Variants in PPIP5K2 observed in about 807,000 individuals in gnomAD.
The protein encoded by PPIP5K2 is diphosphoinositol pentakisphosphate kinase 2, also known as inositol hexakisphosphate and diphosphoinositol-pentakisphosphate kinase 2.
In PPIP5K2, 105 loss-of-function variants were observed where a neutral mutation model predicts 154.6. That is an observed-to-expected ratio of 0.68 (90% CI 0.58 to 0.80). PPIP5K2 has a LOEUF of 0.80. PPIP5K2 is among the 30% of genes least tolerant of loss of function. The pLI is 0.00. For missense variants in PPIP5K2, 992 were observed against 1,504.6 expected (o/e 0.66, Z 5.64); for synonymous variants, 480 against 490.3 (o/e 0.98, Z 0.28).
At chr5:103,189,114 G>A in intron 28 of PPIP5K2, 2 of 1,368,750 alleles carry the variant, frequency 1.5e-6, no homozygotes, top group Non-Finnish European at 2.0e-6. Context: ...GGAACATGGT[G>A]AAACAAGTAT....
At chr5:103,121,036 A>G (rs887451757) in intron 1 of PPIP5K2, among the ~76,000 whole-genome samples, 2 of 152,128 alleles carry the variant, frequency 1.3e-5, no homozygotes, top group Admixed American at 1.3e-4. Flanking sequence ...AGAAGGGGCC[A>G]GGGTGATGAT....
chr5:103,142,756 A>G (rs1793034048), intron 5 of PPIP5K2, among the ~76,000 whole-genome samples: 1 of 142,286 alleles, frequency 7.0e-6, no homozygotes, highest in Non-Finnish European at 1.5e-5. Flanking sequence ...AGCCTGGGCG[A>G]GTGAGCAAGA....
In PPIP5K2 at chr5:103,183,298, G is replaced by T. The variant is rs782512363; in HGVS notation, c.2987G>T (p.Gly996Val). The T allele has an allele frequency of 1.3e-6, 2 of 1,597,934 alleles. No homozygotes were observed. Among genetic ancestry groups the T allele is most frequent in the South Asian group, 2.2e-5 (2 of 89,648 alleles). The part of the protein sequence containing the change: ...GTGTWLHYTS[G>V]VGTGRRRRRS... ...GGTACCTGGCTGCATTATACCAGTG[G>T]TGTGGGTACTGGGCGTCGAAGACGC... is the stretch of plus-strand genomic sequence containing the variant. Residue 996 changes from glycine (G) to valine (V), a missense_variant, in exon 25 of 31, where the codon GGT becomes GTT. Transcript: ENST00000358359.
chr5:103,197,794 T>C (rs1802346096), intron 30 of PPIP5K2, among the ~76,000 whole-genome samples: 1 of 151,684 alleles, frequency 6.6e-6, no homozygotes, highest in South Asian at 2.1e-4. Flanking sequence ...GCCAGGCTGG[T>C]CTCGAACTCC....
At chr5:103,190,619 C>T (rs920017724) in intron 28 of PPIP5K2, among the ~76,000 whole-genome samples, 5 of 151,634 alleles carry the variant, frequency 3.3e-5, no homozygotes, top group Non-Finnish European at 5.9e-5. Flanking sequence ...TGTGTGCATG[C>T]GATACTACGT....
chr5:103,157,704 A>C (rs889846785), intron 14 of PPIP5K2, among the ~76,000 whole-genome samples: 5 of 151,832 alleles, frequency 3.3e-5, no homozygotes, highest in African/African-American at 1.2e-4. Context: ...TCTGTCTCAA[A>C]AAAAAAAAAC....
chr5:103,173,736 AAT>A (rs1220446142), intron 20 of PPIP5K2, 120 bp from the exon 21 acceptor site: 6 of 696,210 alleles, frequency 8.6e-6, no homozygotes, highest in Non-Finnish European at 1.5e-5. Context: ...TTGGAAGAAT[AAT>A]AGATTTTTGT....
intron 29 of PPIP5K2, among the ~76,000 whole-genome samples, chr5:103,193,433 T>C (rs1801578376): frequency 6.6e-6 from 1 of 151,956 alleles, no homozygotes; most frequent in African/African-American, 2.4e-5. Flanking sequence ...CCTTCCAAGT[T>C]TTTTTCCTCA....
At position 103,208,800 on chromosome 5, in the gene PPIP5K2, A is replaced by C. The variant is rs1378840850; in HGVS notation, c.*7166A>C. On this transcript the variant is annotated 3_prime_UTR_variant, in exon 31 of 31. Coordinates refer to ENST00000358359, the MANE Select transcript of PPIP5K2 (RefSeq NM_001276277.3). ...TGCGATATGGAGCTATCTGACCTTT[A>C]CTGCACCTGGCAGCTCTATCTCCTA... is the stretch of plus-strand genomic sequence containing the variant. 7.9e-5 allele frequency: 12 copies of C among 151,834 alleles called. No individual in the cohort carries two copies. The highest frequency in any genetic ancestry group is 2.9e-4 in the African/African-American group (12 of 41,330). The allele number at this position is 151,834 out of a possible 1,614,324, so 9.4% of individuals were successfully genotyped here.
intron 29 of PPIP5K2, 121 bp downstream of exon 29, chr5:103,191,103 G>A (rs1801162145): frequency 1.7e-5 from 14 of 829,330 alleles, no homozygotes; most frequent in Non-Finnish European, 2.6e-5. Flanking sequence ...GTACAAAGGG[G>A]AGTGTAAAGG....
In PPIP5K2 at chr5:103,156,599, T is replaced by A. The variant is rs142361261; in HGVS notation, c.1489+605T>A. On this transcript the variant is annotated intron_variant, in intron 14 of 30. Transcript: ENST00000358359. ...TAATAATAATCTGTCTTGCCTATCA[T>A]ATTGGCAAAGTGTTTTCTTCGTTTC... Among the ~76,000 whole-genome samples the A allele has an allele frequency of 8.7e-4, 133 of 152,314 alleles. 1 individual carries two copies. Among genetic ancestry groups the A allele is most frequent in the African/African-American group, 3.1e-3 (130 of 41,578 alleles).
In PPIP5K2 at chr5:103,207,931, C is replaced by T. The variant is rs1554232371; in HGVS notation, c.*6297C>T. ...TTCTTGAAGTGTTTGTGCATGAACACTGTGCAGGTTTATTTTCAAGTATTA... is the reference window on the plus strand; with the variant it reads ...TTCTTGAAGTGTTTGTGCATGAACATTGTGCAGGTTTATTTTCAAGTATTA... On this transcript the variant is annotated 3_prime_UTR_variant, in exon 31 of 31. Coordinates refer to ENST00000358359, the MANE Select transcript of PPIP5K2 (RefSeq NM_001276277.3). 6.6e-6 allele frequency: 1 copy of T among 152,010 alleles called. No individual in the cohort carries two copies. Among genetic ancestry groups the T allele is most frequent in the Non-Finnish European group, 1.5e-5 (1 of 68,020 alleles). The allele number at this position is 152,010 out of a possible 1,614,324, so 9.4% of individuals were successfully genotyped here.
chr5:103,147,884 G>C, intron 6 of PPIP5K2, 47 bp from the exon 7 acceptor site: 1 of 1,070,360 alleles, frequency 9.3e-7, no homozygotes, highest in Non-Finnish European at 1.4e-6. Context: ...ATAAAAATGA[G>C]GGAAATAATT....
In PPIP5K2 at chr5:103,130,064, A is replaced by G. The variant is rs1583198424; in HGVS notation, c.114+361A>G. 2.0e-5 allele frequency among the ~76,000 whole-genome samples: 3 copies of G among 152,312 alleles called. No homozygotes were observed. The South Asian group carries it at 6.2e-4, about 32-fold the overall frequency. On this transcript the variant is annotated intron_variant, in intron 2 of 30. Transcript: ENST00000358359. ...GGAAGGAAATAATTTTAAAGTTACA[A>G]AAGAAGAAGGATTACTTAAATAGAT...
chr5:103,170,560 G>C (rs1797823772), intron 19 of PPIP5K2, among the ~76,000 whole-genome samples: 1 of 151,280 alleles, frequency 6.6e-6, no homozygotes, highest in African/African-American at 2.4e-5. Flanking sequence ...TGCTTCCCTG[G>C]TGTCCTGAGA....
intron 2 of PPIP5K2, among the ~76,000 whole-genome samples, chr5:103,132,244 A>G (rs1273370886): frequency 1.3e-5 from 2 of 152,142 alleles, no homozygotes; most frequent in African/African-American, 4.8e-5. Context: ...TCTAGGCATA[A>G]AAAAAGAACA....
At chr5:103,125,876 G>A (rs577522810) in intron 1 of PPIP5K2, among the ~76,000 whole-genome samples, 13 of 152,210 alleles carry the variant, frequency 8.5e-5, no homozygotes, top group African/African-American at 2.4e-4. Context: ...CAAGTGATCC[G>A]CCTGCCTCAG....
At chr5:103,134,935 G>A (rs1554203718) in intron 3 of PPIP5K2, among the ~76,000 whole-genome samples, 1 of 152,146 alleles carries the variant, frequency 6.6e-6, no homozygotes, top group East Asian at 1.9e-4. Flanking sequence ...AAACTAAGAG[G>A]AGTTTAGGAA....
In PPIP5K2 at chr5:103,154,817, A is replaced by G. The variant is rs58392548; in HGVS notation, c.1294-17A>G. 0.02 allele frequency: 31,451 copies of G among 1,548,880 alleles called. 1,092 individuals carry two copies. Among genetic ancestry groups the G allele is most frequent in the African/African-American group, 0.16 (11,774 of 71,648 alleles). On this transcript the variant is annotated splice_polypyrimidine_tract_variant and intron_variant, in intron 12 of 30. Transcript: ENST00000358359. ...AAATTACATAAAAATTCAATTTTTT[A>G]TTAATTTATTTTATAGGAAGTGCTA...
Sources: allele counts gnomAD v4.1 joint callset (sites outside exome capture counted in the v4.1 genomes callset), GRCh38; gene constraint gnomAD v4.1.1; transcripts MANE v1.5; gene names NCBI Gene and HGNC (gene_info 2026-07-23, HGNC 2026-07-21).